Variants in JARID2 observed in about 807,000 individuals in gnomAD.
The protein encoded by JARID2 is jumonji and AT-rich interaction domain containing 2, also known as protein Jumonji.
JARID2 carries 21 observed loss-of-function variants against 125.6 expected under a neutral mutation model. The observed-to-expected ratio is 0.17, with a 90% CI of 0.12 to 0.24. The LOEUF (loss-of-function observed/expected upper bound fraction) is 0.24. Ranked by LOEUF, JARID2 falls within the 10% of genes least tolerant of loss-of-function variation. JARID2 has a pLI of 1.00. For synonymous variants in JARID2, 736 were observed against 661.6 expected (o/e 1.11, Z -1.73); for missense variants, 1,303 against 1,639.6 (o/e 0.79, Z 3.55).
chr6:15,508,580 C>G (rs530564831), intron 12 of JARID2, 126 bp downstream of exon 12: 3 of 640,864 alleles, frequency 4.7e-6, no homozygotes, highest in Non-Finnish European at 8.5e-6. Flanking sequence ...TCTCTGTGTT[C>G]AGGCCTGTCC....
chr6:15,492,136 C>G (rs757959117), intron 6 of JARID2, among the ~76,000 whole-genome samples: 1 of 152,232 alleles, frequency 6.6e-6, no homozygotes, highest in South Asian at 2.1e-4. Flanking sequence ...AAGGAGCACA[C>G]GCTGCAGACA....
In JARID2 at chr6:15,458,110, C is replaced by T. The variant is rs62395399; in HGVS notation, c.493+5935C>T. On this transcript the variant is annotated intron_variant, in intron 4 of 17. Transcript: ENST00000341776. The stretch of plus-strand genomic sequence containing the variant: ...CGCGGGGAAGAGGGTTTTGCGCTTG[C>T]TGCATGCAGTGATTCGTACCATCGC... Among the ~76,000 whole-genome samples, 917 of 152,312 alleles carry T rather than the reference C, an allele frequency of 6.0e-3. 4 individuals are homozygous for T. The highest frequency in any genetic ancestry group is 9.8e-3 in the Non-Finnish European group (669 of 68,024).
At chr6:15,384,371 AT>A (rs370485500) in intron 2 of JARID2, among the ~76,000 whole-genome samples, 23,441 of 135,214 alleles carry the variant, frequency 0.17, 1,666 homozygotes, top group African/African-American at 0.21. Context: ...GCCCACTTTG[AT>A]TTTTTTTTTT....
intron 4 of JARID2, among the ~76,000 whole-genome samples, chr6:15,457,515 T>A (rs1205659524): frequency 6.6e-6 from 1 of 152,106 alleles, no homozygotes; most frequent in Non-Finnish European, 1.5e-5. Context: ...TGCTCATTAT[T>A]TATAGGGAAG....
At chr6:15,357,682 A>G (rs1763651746) in intron 1 of JARID2, among the ~76,000 whole-genome samples, 1 of 152,206 alleles carries the variant, frequency 6.6e-6, no homozygotes. Context: ...ATATAGAAAA[A>G]TAAGAAATCT....
intron 1 of JARID2, among the ~76,000 whole-genome samples, chr6:15,361,025 A>C (rs1358593659): frequency 1.3e-5 from 2 of 152,204 alleles, no homozygotes; most frequent in African/African-American, 2.4e-5. Context: ...AACTACATTC[A>C]TGTCTCTGGA....
chr6:15,461,795 G>A lies in JARID2; in HGVS notation c.494-6747G>A, dbSNP rs191277889. On this transcript the variant is annotated intron_variant, in intron 4 of 17. Transcript: ENST00000341776. ...GCTCTGTATACAGTTGAGTAACCTC[G>A]AGTCTCATGGCAAGTAAGCATCTCC... is the stretch of plus-strand genomic sequence containing the variant. Among the ~76,000 whole-genome samples, 51 of 152,092 alleles carry A rather than the reference G, an allele frequency of 3.4e-4. No homozygotes were observed. The East Asian group carries it at 8.9e-3, about 27-fold the overall frequency.
intron 12 of JARID2, chr6:15,509,412 C>T (rs1346575649): frequency 7.3e-6 from 7 of 961,456 alleles, no homozygotes; most frequent in Non-Finnish European, 8.7e-6. Context: ...GCTGCAGCCT[C>T]CTCATTTTGG....
intron 2 of JARID2, among the ~76,000 whole-genome samples, chr6:15,404,198 C>T (rs1192747092): frequency 6.6e-6 from 1 of 152,118 alleles, no homozygotes. Flanking sequence ...TCTGCAGACC[C>T]TGTGCCCTGC....
chr6:15,508,380 T>C lies in JARID2; in HGVS notation c.2772T>C (p.Ser924=). Reference sequence around the variant, plus strand: ...GGCTAAATATTGGCATGGTCTTTTCTACCTCATGCTGGTCTCGAGACCAAA... The same window carrying C: ...GGCTAAATATTGGCATGGTCTTTTCCACCTCATGCTGGTCTCGAGACCAAA... The part of the protein sequence containing the change: ...IPWLNIGMVF[S]TSCWSRDQNH... The change falls in exon 12 of 18, where the codon TCT becomes TCC. Residue 924 remains serine, a synonymous_variant. Transcript: ENST00000341776. 1 of 1,609,562 alleles carries C rather than the reference T, an allele frequency of 6.2e-7. No individual in the cohort carries two copies. The highest frequency in any genetic ancestry group is 8.5e-7 in the Non-Finnish European group (1 of 1,175,798).
intron 1 of JARID2, among the ~76,000 whole-genome samples, chr6:15,334,228 C>CCAAA (rs1166198138): frequency 3.3e-5 from 5 of 152,036 alleles, no homozygotes; most frequent in African/African-American, 9.7e-5. Flanking sequence ...GATCATGTCT[C>CCAAA]CAAAGAAGCA....
intron 3 of JARID2, among the ~76,000 whole-genome samples, chr6:15,420,776 C>T (rs1225476360): frequency 6.6e-6 from 1 of 152,190 alleles, no homozygotes; most frequent in African/African-American, 2.4e-5. Flanking sequence ...AGGGCCAAAG[C>T]AGTGTTTACT....
intron 4 of JARID2, among the ~76,000 whole-genome samples, chr6:15,456,834 A>G (rs1024610511): frequency 7.6e-5 from 11 of 145,242 alleles, no homozygotes; most frequent in African/African-American, 2.8e-4. Context: ...TGGTACTTTA[A>G]TAATTTTATT....
intron 1 of JARID2, among the ~76,000 whole-genome samples, chr6:15,361,690 C>T (rs1276248816): frequency 6.6e-6 from 1 of 152,102 alleles, no homozygotes; most frequent in African/African-American, 2.4e-5. Flanking sequence ...CATTAAACCC[C>T]CAACTGCCAC....
intron 3 of JARID2, among the ~76,000 whole-genome samples, chr6:15,448,119 A>G (rs954774517): frequency 6.6e-6 from 1 of 152,084 alleles, no homozygotes; most frequent in Non-Finnish European, 1.5e-5. Flanking sequence ...TTTATAAAAG[A>G]TATTGGTTTG....
At chr6:15,466,963 T>G (rs1239957053) in intron 4 of JARID2, among the ~76,000 whole-genome samples, 1 of 152,236 alleles carries the variant, frequency 6.6e-6, no homozygotes, top group African/African-American at 2.4e-5. Flanking sequence ...AAAATGGCTT[T>G]TGTAAGACCA....
At chr6:15,332,733 C>G (rs946941280) in intron 1 of JARID2, among the ~76,000 whole-genome samples, 2 of 151,914 alleles carry the variant, frequency 1.3e-5, no homozygotes, top group African/African-American at 4.8e-5. Flanking sequence ...TCCTGCAGAG[C>G]TGGAAAGAGA....
intron 1 of JARID2, chr6:15,248,855 G>A (rs958028088): frequency 7.3e-6 from 7 of 963,324 alleles, no homozygotes; most frequent in Non-Finnish European, 2.5e-6. Flanking sequence ...GGAGGGAGCT[G>A]GGCGGGGGCG....
At chr6:15,472,763 A>G (rs1769139036) in intron 5 of JARID2, among the ~76,000 whole-genome samples, 1 of 151,900 alleles carries the variant, frequency 6.6e-6, no homozygotes, top group African/African-American at 2.4e-5. Context: ...GTCACCAGCC[A>G]TTTCCCTGTT....
Sources: gnomAD v4.1 joint callset for allele counts (sites outside exome capture counted in the v4.1 genomes callset) on GRCh38, gnomAD v4.1.1 for gene constraint, MANE v1.5 for transcripts, NCBI Gene and HGNC (gene_info 2026-07-23, HGNC 2026-07-21) for gene names.